The following SPP2 variants were observed in gnomAD, a reference collection of about 807,000 sequenced individuals.
SPP2 encodes the protein secreted phosphoprotein 2, also known as secreted phosphoprotein 24.
SPP2 carries 34 observed loss-of-function variants against 28.8 expected under a neutral mutation model. The observed-to-expected ratio is 1.18, with a 90% confidence interval of 0.90 to 1.57. The LOEUF (loss-of-function observed/expected upper bound fraction) is 1.57, where lower values mean the gene tolerates loss of function less well. SPP2 is among the 40% of genes most tolerant of loss of function. The pLI is 0.00. For synonymous variants in SPP2, 96 were observed against 89.4 expected, an observed-to-expected ratio of 1.07 and a Z score of -0.42; for missense variants, 269 against 263.9, an observed-to-expected ratio of 1.02 and a Z score of -0.13.
At chr2:234,051,177 A>C in intron 2 of SPP2, 82 bp downstream of exon 2, 1 of 1,531,926 alleles carries the variant, frequency 6.5e-7, no homozygotes, top group South Asian at 1.2e-5. Flanking sequence ...ACTTTTAAGA[A>C]ATTTTCTCCA....
At chr2:234,059,072 T>A in intron 3 of SPP2, 114 bp downstream of exon 3, 1 of 1,254,288 alleles carries the variant, frequency 8.0e-7, no homozygotes, top group Non-Finnish European at 1.1e-6. Context: ...CTGGCCACAC[T>A]GCTAACATGT....
intron 1 of SPP2, 28 bp downstream of exon 1, chr2:234,050,899 G>C (rs750907144): frequency 1.2e-6 from 2 of 1,614,050 alleles, no homozygotes; most frequent in Admixed American, 3.3e-5. Flanking sequence ...CTGGCCACCT[G>C]CTCTGGATCA....
intron 2 of SPP2, among the ~76,000 whole-genome samples, chr2:234,058,292 CA>C (rs141644017): frequency 0.066 from 9,973 of 151,854 alleles, 566 homozygotes; most frequent in African/African-American, 0.15. Context: ...ACAAAAAGCA[CA>C]AAAATGCAAA....
chr2:234,070,011 T>A lies in SPP2; in HGVS notation c.634T>A (p.Ter212LysextTer3). The A allele has an allele frequency of 6.2e-7, 1 of 1,612,904 alleles. No individual in the cohort carries two copies. The highest frequency in any genetic ancestry group is 1.1e-5 in the South Asian group (1 of 91,052). Residue 212 changes from the stop codon to lysine, a stop_lost, in exon 7 of 8, where the codon TAA (stop) becomes AAA (lysine). Coordinates refer to ENST00000168148, the MANE Select transcript of SPP2 (RefSeq NM_006944.3). The part of the protein sequence containing the change: ...HRARINTDFE[*>K] Reference sequence around the variant, plus strand: ...AGCAAGAATAAATACTGACTTTGAGTAACGGCCTTGAGGTAAGAAAATGCA... The same window carrying A: ...AGCAAGAATAAATACTGACTTTGAGAAACGGCCTTGAGGTAAGAAAATGCA...
intron 7 of SPP2, among the ~76,000 whole-genome samples, chr2:234,075,738 C>T (rs1690882431): frequency 6.6e-6 from 1 of 152,208 alleles, no homozygotes; most frequent in South Asian, 2.1e-4. Context: ...CCCTCTCCTC[C>T]ACACTGTCCC....
chr2:234,070,482 A>C (rs1198075639), intron 7 of SPP2, among the ~76,000 whole-genome samples: 2 of 152,068 alleles, frequency 1.3e-5, no homozygotes, highest in Admixed American at 6.5e-5. Context: ...ATTTTTTGAG[A>C]GGGAGTTTCG....
chr2:234,057,281 G>T (rs182826548), intron 2 of SPP2, among the ~76,000 whole-genome samples: 1 of 152,122 alleles, frequency 6.6e-6, no homozygotes, highest in Non-Finnish European at 1.5e-5. Flanking sequence ...GACCATACCT[G>T]ACACGCTCCA....
At chr2:234,057,818 C>A (rs1308222268) in intron 2 of SPP2, among the ~76,000 whole-genome samples, 1 of 152,218 alleles carries the variant, frequency 6.6e-6, no homozygotes, top group Non-Finnish European at 1.5e-5. Flanking sequence ...GTCTGTACTG[C>A]AGAGAGCACT....
intron 7 of SPP2, among the ~76,000 whole-genome samples, chr2:234,071,008 A>G (rs962336680): frequency 6.6e-6 from 1 of 152,016 alleles, no homozygotes; most frequent in African/African-American, 2.4e-5. Context: ...CTTCCTGACA[A>G]GCTCCCTTTC....
intron 6 of SPP2, among the ~76,000 whole-genome samples, chr2:234,067,762 GGCC>G (rs1693854079): frequency 0.17 from 1 of 6 alleles, no homozygotes; most frequent in Non-Finnish European, 0.5. Flanking sequence ...GGGCGACAGA[GGCC>G]AGACTCCGTC....
intron 2 of SPP2, among the ~76,000 whole-genome samples, chr2:234,056,677 A>C (rs1693614150): frequency 1.3e-5 from 2 of 152,082 alleles, no homozygotes; most frequent in Admixed American, 1.3e-4. Context: ...GGCCCCAAAC[A>C]ATGGACTTCA....
At chr2:234,072,831 C>T (rs1229837436) in intron 7 of SPP2, among the ~76,000 whole-genome samples, 1 of 152,164 alleles carries the variant, frequency 6.6e-6, no homozygotes, top group African/African-American at 2.4e-5. Flanking sequence ...TCTCAGGGTG[C>T]AATTCCTTCA....
Position 234,050,825 on chromosome 2 carries a change from G to T in SPP2, c.39G>T (p.Lys13Asn). The change falls in exon 1 of 8, where the codon AAG becomes AAT. Residue 13 changes from lysine to asparagine, a missense_variant. By Grantham distance (94) the Lys-to-Asn change is moderately conservative. Coordinates refer to ENST00000168148, the MANE Select transcript of SPP2 (RefSeq NM_006944.3). The stretch of plus-strand genomic sequence containing the variant: ...TGGAGAAGATGACGATGATGATGAA[G>T]ATATTGATTATGTTTGCTCTTGGAA... ...SRMEKMTMMM[K>N]ILIMFALGMN... The T allele has an allele frequency of 6.2e-7, 1 of 1,614,048 alleles. No individual in the cohort carries two copies. Among genetic ancestry groups the T allele is most frequent in the Non-Finnish European group, 8.5e-7 (1 of 1,179,938 alleles).
rs756603237 is a variant in SPP2 at position 234,050,900 on chromosome 2, C to T, written c.85+29C>T. 3.1e-6 allele frequency: 5 copies of T among 1,614,066 alleles called. No individual in the cohort carries two copies. The South Asian group carries it at 4.4e-5, about 14-fold the overall frequency. The stretch of plus-strand genomic sequence containing the variant: ...AGGTATTCACCAACCTGGCCACCTG[C>T]TCTGGATCATGCAGAGCCATGCTGG... On this transcript the variant is annotated intron_variant, in intron 1 of 7. Coordinates refer to ENST00000168148, the MANE Select transcript of SPP2 (RefSeq NM_006944.3).
intron 2 of SPP2, among the ~76,000 whole-genome samples, chr2:234,052,630 C>T (rs1693521302): frequency 6.6e-6 from 1 of 152,124 alleles, no homozygotes. Flanking sequence ...CAATTATATG[C>T]GATGTGTGTG....
At chr2:234,051,619 A>C (rs1693499740) in intron 2 of SPP2, among the ~76,000 whole-genome samples, 1 of 152,180 alleles carries the variant, frequency 6.6e-6, no homozygotes, top group Admixed American at 6.5e-5. Context: ...GAAATGTAAA[A>C]ATATCCTTCA....
chr2:234,064,769 T>C (rs901918189), intron 4 of SPP2, among the ~76,000 whole-genome samples: 3 of 152,358 alleles, frequency 2.0e-5, no homozygotes, highest in Non-Finnish European at 4.4e-5. Context: ...GTCTATGGAT[T>C]TGTCCATTCT....
chr2:234,070,304 C>T (rs1161611618), intron 7 of SPP2, among the ~76,000 whole-genome samples: 1 of 152,188 alleles, frequency 6.6e-6, no homozygotes, highest in Non-Finnish European at 1.5e-5. Flanking sequence ...TCTTTTGGCC[C>T]ATCTCATCCA....
rs145404419 is a variant in SPP2 at position 234,076,455 on chromosome 2, T to C, written c.*11-390T>C. On this transcript the variant is annotated intron_variant, in intron 7 of 7. Transcript: ENST00000168148. ...TTTATCAAGCTGTACTCTAACTACTTCCACCCCCTTCACTAGGTTGTGGGA... is the reference window on the plus strand; with the variant it reads ...TTTATCAAGCTGTACTCTAACTACTCCCACCCCCTTCACTAGGTTGTGGGA... 2.6e-4 allele frequency among the ~76,000 whole-genome samples: 40 copies of C among 152,284 alleles called. No homozygotes were observed. The East Asian group carries it at 6.4e-3, about 24-fold the overall frequency.
Sources: allele counts gnomAD v4.1 joint callset (sites outside exome capture counted in the v4.1 genomes callset), GRCh38; gene constraint gnomAD v4.1.1; transcripts MANE v1.5; gene names NCBI Gene and HGNC (gene_info 2026-07-23, HGNC 2026-07-21).